The following CAND1 variants were observed in gnomAD, a reference collection of about 807,000 sequenced individuals.
CAND1 encodes the protein cullin associated and neddylation dissociated 1.
CAND1 carries 7 observed loss-of-function variants against 108.5 expected under a neutral mutation model. The observed-to-expected ratio is 0.06, with a 90% CI of 0.04 to 0.12. The LOEUF (loss-of-function observed/expected upper bound fraction) is 0.12, where lower values mean the gene tolerates loss of function less well. CAND1 is among the 10% of genes least tolerant of loss of function. The pLI is 1.00. For missense variants in CAND1, 941 were observed against 1,448.7 expected (o/e 0.65, Z 5.69); for synonymous variants, 534 against 512.0 (o/e 1.04, Z -0.58).
chr12:67,297,155 A>G (rs927254385), intron 4 of CAND1: 7 of 534,752 alleles, frequency 1.3e-5, no homozygotes, highest in African/African-American at 3.8e-5. Flanking sequence ...TAGATATCCT[A>G]TAATTGGGGA....
intron 2 of CAND1, among the ~76,000 whole-genome samples, chr12:67,282,421 A>G (rs2044628434): frequency 6.6e-6 from 1 of 152,198 alleles, no homozygotes; most frequent in South Asian, 2.1e-4. Context: ...ATGACTAAGG[A>G]AAATTAAAAA....
rs946208018 is a variant in CAND1, at chr12:67,269,369, GGGAGCGAGTGC to G, written c.-338_-328del. ...AGGCGGGCTTTGGCCTTTTGCCCTA[GGGAGCGAGTGC>G]GGAGCGAGTGGGAGCGAGACGGCCC... On this transcript the variant is annotated 5_prime_UTR_variant, in exon 1 of 15. Transcript: ENST00000545606. 1 of 296,662 alleles carries G rather than the reference GGGAGCGAGTGC, an allele frequency of 3.4e-6. No homozygotes were observed. The highest frequency in any genetic ancestry group is 6.3e-6 in the Non-Finnish European group (1 of 159,342). 18.4% of individuals were successfully genotyped at this position (296,662 alleles called of 1,614,324 possible). A position where few individuals can be genotyped will look rare whatever the true frequency, so the allele number is the denominator to read the frequency against.
chr12:67,296,869 C>T (rs1021204419), intron 4 of CAND1, among the ~76,000 whole-genome samples: 2 of 152,120 alleles, frequency 1.3e-5, no homozygotes, highest in African/African-American at 4.8e-5. Context: ...ATGATCATGG[C>T]TCATTGCAGC....
At chr12:67,278,798 C>T (rs188447299) in intron 1 of CAND1, among the ~76,000 whole-genome samples, 3 of 152,232 alleles carry the variant, frequency 2.0e-5, no homozygotes, top group South Asian at 2.1e-4. Flanking sequence ...GGATTACAGG[C>T]GTGAGCCACT....
At chr12:67,288,796 C>G (rs1419365932) in intron 2 of CAND1, among the ~76,000 whole-genome samples, 1 of 152,128 alleles carries the variant, frequency 6.6e-6, no homozygotes, top group Non-Finnish European at 1.5e-5. Context: ...GTAGGCCTGG[C>G]AAGGACAGGG....
chr12:67,286,183 T>C (rs972064202), intron 2 of CAND1, among the ~76,000 whole-genome samples: 2 of 152,104 alleles, frequency 1.3e-5, no homozygotes, highest in Non-Finnish European at 2.9e-5. Context: ...AATTTTTTTG[T>C]ATTTTTTAAA....
chr12:67,273,771 C>G (rs1009183228), intron 1 of CAND1, among the ~76,000 whole-genome samples: 1 of 152,036 alleles, frequency 6.6e-6, no homozygotes. Context: ...GCCACTGTGC[C>G]CAGCCACTTC....
rs1233244394 is a variant in CAND1 at position 67,316,892 on chromosome 12, TA to T, written c.*4064del. 6.6e-6 allele frequency: 1 copy of T among 152,212 alleles called. No individual in the cohort carries two copies. Among genetic ancestry groups the T allele is most frequent in the Non-Finnish European group, 1.5e-5 (1 of 68,054 alleles). The allele number at this position is 152,212 out of a possible 1,614,324, so 9.4% of individuals were successfully genotyped here. A position where few individuals can be genotyped will look rare whatever the true frequency, so the allele number is the denominator to read the frequency against. On this transcript the variant is annotated 3_prime_UTR_variant, in exon 15 of 15. Transcript: ENST00000545606. The stretch of plus-strand genomic sequence containing the variant: ...AGGGCCAGATGGCAGCTCACGCCTG[TA>T]ATCTCAGCACTTTGGGAGGCCAAGG...
At chr12:67,311,898 C>A in intron 14 of CAND1, 98 bp downstream of exon 14, 1 of 725,904 alleles carries the variant, frequency 1.4e-6, no homozygotes, top group Non-Finnish European at 2.5e-6. Flanking sequence ...TATTCCAGTG[C>A]TCTGTGTAGC....
At chr12:67,312,155 C>T (rs1452381386) in intron 14 of CAND1, among the ~76,000 whole-genome samples, 1 of 119,438 alleles carries the variant, frequency 8.4e-6, no homozygotes, top group Non-Finnish European at 1.8e-5. Context: ...CAATGAACCT[C>T]GAAAAATCAA....
Position 67,306,302 on chromosome 12 carries a change from T to C in CAND1, c.2634T>C (p.Tyr878=), listed in dbSNP as rs1426570470. Residue 878 remains tyrosine (Y), a synonymous_variant, in exon 10 of 15, where the codon TAT becomes TAC. Transcript: ENST00000545606. ...PSEEVKSAAS[Y]ALGSISVGNL... is the part of the protein sequence containing the mutation. The stretch of plus-strand genomic sequence containing the variant: ...AAGAAGTCAAATCAGCTGCATCCTA[T>C]GCATTAGGCAGCATTAGTGTGGGCA... 3 of 1,614,058 alleles carry C rather than the reference T, an allele frequency of 1.9e-6. No individual in the cohort carries two copies. Among genetic ancestry groups the C allele is most frequent in the South Asian group, 1.1e-5 (1 of 91,090 alleles).
intron 2 of CAND1, among the ~76,000 whole-genome samples, chr12:67,285,957 C>T (rs545877448): frequency 9.9e-5 from 15 of 152,160 alleles, no homozygotes; most frequent in South Asian, 4.1e-4. Flanking sequence ...ATACAGTGAA[C>T]GTTTCGTGTA....
intron 11 of CAND1, among the ~76,000 whole-genome samples, chr12:67,308,235 C>T (rs1425109520): frequency 1.3e-5 from 2 of 151,964 alleles, no homozygotes; most frequent in African/African-American, 4.8e-5. Flanking sequence ...TTGTGCCATT[C>T]TTCAGTGTGC....
intron 1 of CAND1, among the ~76,000 whole-genome samples, chr12:67,279,532 A>G (rs1455784575): frequency 1.3e-5 from 2 of 152,200 alleles, no homozygotes; most frequent in East Asian, 1.9e-4. Context: ...ATAATAATCT[A>G]CTTTTTCTGC....
intron 2 of CAND1, among the ~76,000 whole-genome samples, chr12:67,287,857 A>ATTTTTTTTT (rs34177330): frequency 1.8e-5 from 2 of 112,590 alleles, no homozygotes; most frequent in Non-Finnish European, 3.5e-5. Context: ...TTTTGATGTG[A>ATTTTTTTTT]TTTTTTTTTT....
chr12:67,297,762 A>G lies in CAND1; in HGVS notation c.763A>G (p.Lys255Glu). The G allele has an allele frequency of 1.2e-6, 2 of 1,606,538 alleles. No individual in the cohort carries two copies. Among genetic ancestry groups the G allele is most frequent in the Non-Finnish European group, 1.7e-6 (2 of 1,174,832 alleles). Residue 255 changes from lysine to glutamate, a missense_variant, in exon 6 of 15, where the codon AAG (lysine) becomes GAG (glutamate). This residue lies in a region of CAND1 where 697 missense variants were observed against 942.0 expected (regional missense o/e 0.74). Coordinates refer to ENST00000545606, the MANE Select transcript of CAND1 (RefSeq NM_018448.5). Reference sequence around the variant, plus strand: ...GCTTTTCTTAGGTGAATACCTTGAGAAGATAATTCCTTTGGTGGTAAAATT... The same window carrying G: ...GCTTTTCTTAGGTGAATACCTTGAGGAGATAATTCCTTTGGTGGTAAAATT... ...AGHRIGEYLEKIIPLVVKFCN... is the reference protein window; with the variant it reads ...AGHRIGEYLEEIIPLVVKFCN...
chr12:67,306,755 T>A (rs772578292), intron 10 of CAND1, among the ~76,000 whole-genome samples, 158 bp downstream of exon 10: 1 of 152,188 alleles, frequency 6.6e-6, no homozygotes, highest in Non-Finnish European at 1.5e-5. Context: ...TGGAGTGATA[T>A]TCAAATGACA....
chr12:67,297,464 G>A lies in CAND1; in HGVS notation c.549G>A (p.Gln183=). 6 of 1,613,962 alleles carry A rather than the reference G, an allele frequency of 3.7e-6. No individual in the cohort carries two copies. The highest frequency in any genetic ancestry group is 5.1e-6 in the Non-Finnish European group (6 of 1,179,934). ...CAATTCTGACCTGTCTACTTCCCCA[G>A]TTGACCAGCCCTAGACTTGCAGTGA... The part of the protein sequence containing the change: ...HPSILTCLLP[Q]LTSPRLAVRK... Residue 183 remains glutamine, a synonymous_variant, in exon 5 of 15, where the codon CAG becomes CAA. Transcript: ENST00000545606.
chr12:67,293,746 T>TC (rs1204564112), intron 3 of CAND1, among the ~76,000 whole-genome samples: 1 of 151,668 alleles, frequency 6.6e-6, no homozygotes, highest in Non-Finnish European at 1.5e-5. Context: ...AGAGTGAAAC[T>TC]CCGTGTCAAA....
Sources: allele counts gnomAD v4.1 joint callset (sites outside exome capture counted in the v4.1 genomes callset), GRCh38; gene constraint gnomAD v4.1.1; regional missense constraint gnomAD v4.1.1; transcripts MANE v1.5; gene names NCBI Gene and HGNC (gene_info 2026-07-23, HGNC 2026-07-21).